YPEL1: variants seen among roughly 807,000 people sequenced by gnomAD.
The protein encoded by YPEL1 is protein yippee-like 1.
In YPEL1, 7 loss-of-function variants were observed where a neutral mutation model predicts 17.3. That is an observed-to-expected ratio of 0.40 (90% CI 0.23 to 0.76). The LOEUF (loss-of-function observed/expected upper bound fraction) is 0.76, where lower values mean the gene tolerates loss of function less well. YPEL1 is among the 30% of genes least tolerant of loss of function. YPEL1 has a pLI of 0.35. For missense variants in YPEL1, 91 were observed against 155.5 expected (o/e 0.59, Z 2.21); for synonymous variants, 59 against 59.6 (o/e 0.99, Z 0.05).
Position 21,697,762 on chromosome 22 carries a change from C to T in YPEL1, c.*3367G>A, listed in dbSNP as rs2067995733. 1 of 152,350 alleles carries T rather than the reference C, an allele frequency of 6.6e-6. No homozygotes were observed. The highest frequency in any genetic ancestry group is 2.1e-4 in the South Asian group (1 of 4,828). 9.4% of individuals were successfully genotyped at this position (152,350 alleles called of 1,614,324 possible). On this transcript the variant is annotated 3_prime_UTR_variant, in exon 5 of 5. Coordinates refer to ENST00000339468, the MANE Select transcript of YPEL1 (RefSeq NM_013313.5). ...TCTGCTCCCAGGGCAGGGGACAGGC[C>T]ACCAAGGACCTTTGGCAAATGAAGG... is the stretch of plus-strand genomic sequence containing the variant.
chr22:21,733,772 AAAAG>A lies in YPEL1; in HGVS notation c.-165+1839_-165+1842del, dbSNP rs575484020. Among the ~76,000 whole-genome samples, 317 of 152,324 alleles carry A rather than the reference AAAAG, an allele frequency of 2.1e-3. 2 individuals carry two copies. The highest frequency in any genetic ancestry group is 7.2e-3 in the African/African-American group (299 of 41,572). On this transcript the variant is annotated intron_variant, in intron 1 of 4. Transcript: ENST00000339468. ...AAACAAACCAAAACAAACCAACAAA[AAAAG>A]AAAGAAAAAAGGAAAAAACCTATAG...
At chr22:21,704,150 T>G (rs760097301) in intron 2 of YPEL1, 8 of 718,198 alleles carry the variant, frequency 1.1e-5, no homozygotes, top group Non-Finnish European at 2.1e-5. Flanking sequence ...CATGGCAAGA[T>G]CAGTTTTTAA....
chr22:21,729,128 A>G (rs1361519280), intron 1 of YPEL1, among the ~76,000 whole-genome samples: 1 of 145,322 alleles, frequency 6.9e-6, no homozygotes, highest in Non-Finnish European at 1.5e-5. Context: ...GGGCAACAAG[A>G]GCAAAACTCC....
In YPEL1 at chr22:21,701,228, G is replaced by A; in HGVS notation, c.271-10C>T. The A allele has an allele frequency of 1.2e-6, 2 of 1,609,130 alleles. No homozygotes were observed. Among genetic ancestry groups the A allele is most frequent in the East Asian group, 2.2e-5 (1 of 44,854 alleles). On this transcript the variant is annotated splice_polypyrimidine_tract_variant and intron_variant, in intron 4 of 4. Transcript: ENST00000339468. ...TCTCAAAGGCATGCTCCTTGAAAAA[G>A]AAGAGACAAAGGTTTCAGGACAGAA...
At chr22:21,711,623 A>T (rs758998897) in intron 1 of YPEL1, among the ~76,000 whole-genome samples, 2 of 152,160 alleles carry the variant, frequency 1.3e-5, no homozygotes, top group African/African-American at 4.8e-5. Flanking sequence ...TTCAATGGGG[A>T]AAGGACAGTC....
At chr22:21,729,038 G>A (rs181734349) in intron 1 of YPEL1, among the ~76,000 whole-genome samples, 179 of 151,304 alleles carry the variant, frequency 1.2e-3, no homozygotes, top group African/African-American at 4.0e-3. Flanking sequence ...AGCTACTTGG[G>A]AGGCTGAGGC....
At chr22:21,716,785 G>A (rs1039628385) in intron 1 of YPEL1, among the ~76,000 whole-genome samples, 7 of 152,242 alleles carry the variant, frequency 4.6e-5, no homozygotes, top group Admixed American at 2.6e-4. Context: ...TGCCCCATGA[G>A]CAAGGACAGA....
intron 1 of YPEL1, among the ~76,000 whole-genome samples, chr22:21,713,806 G>A (rs984648757): frequency 6.6e-6 from 1 of 152,114 alleles, no homozygotes; most frequent in African/African-American, 2.4e-5. Flanking sequence ...ACAAAAGAAG[G>A]TTAAGTCCAT....
chr22:21,716,468 G>A (rs1402712249), intron 1 of YPEL1, among the ~76,000 whole-genome samples: 4 of 152,274 alleles, frequency 2.6e-5, no homozygotes, highest in African/African-American at 9.6e-5. Flanking sequence ...CCCCCATCCA[G>A]CCACCCCGGG....
intron 2 of YPEL1, among the ~76,000 whole-genome samples, chr22:21,710,251 C>T (rs1601628792): frequency 6.6e-6 from 1 of 152,178 alleles, no homozygotes; most frequent in Non-Finnish European, 1.5e-5. Context: ...CTTAACCATG[C>T]TGAGTTTTTA....
At chr22:21,733,102 G>A (rs1416096101) in intron 1 of YPEL1, among the ~76,000 whole-genome samples, 1 of 151,720 alleles carries the variant, frequency 6.6e-6, no homozygotes, top group Non-Finnish European at 1.5e-5. Context: ...GAGTGACAAA[G>A]CAAGACTCTG....
intron 4 of YPEL1, among the ~76,000 whole-genome samples, chr22:21,701,515 G>A (rs2068066514): frequency 1.3e-5 from 2 of 152,184 alleles, no homozygotes; most frequent in Non-Finnish European, 2.9e-5. Flanking sequence ...CTGTCACTCA[G>A]GCTGGAATGC....
chr22:21,702,838 A>G (rs2068078876), intron 4 of YPEL1, among the ~76,000 whole-genome samples: 1 of 152,192 alleles, frequency 6.6e-6, no homozygotes, highest in Admixed American at 6.5e-5. Flanking sequence ...CAGATCAGCC[A>G]TGTGGTGGAG....
At chr22:21,721,134 G>A (rs1237935694) in intron 1 of YPEL1, among the ~76,000 whole-genome samples, 2 of 150,716 alleles carry the variant, frequency 1.3e-5, no homozygotes, top group African/African-American at 4.9e-5. Flanking sequence ...TTTTGGGGGG[G>A]GGAGGGGAGG....
At chr22:21,728,539 A>C (rs879811657) in intron 1 of YPEL1, among the ~76,000 whole-genome samples, 2 of 152,150 alleles carry the variant, frequency 1.3e-5, no homozygotes, top group Non-Finnish European at 2.9e-5. Flanking sequence ...GGGAAACCGA[A>C]GTCCAAAAAG....
intron 1 of YPEL1, among the ~76,000 whole-genome samples, chr22:21,728,295 C>G (rs1273625565): frequency 6.6e-6 from 1 of 152,126 alleles, no homozygotes; most frequent in Admixed American, 6.6e-5. Context: ...GCCTCTCCCA[C>G]CCCTCACTGG....
Position 21,710,637 on chromosome 22 carries a change from G to A in YPEL1, c.108C>T (p.Leu36=), listed in dbSNP as rs1242804370. Reference sequence around the variant, plus strand: ...GGCATAAGCCACTTGCCTTGGAGATGAGCTCGTCATGATTGGCCAGGTGTG... The same window carrying A: ...GGCATAAGCCACTTGCCTTGGAGATAAGCTCGTCATGATTGGCCAGGTGTG... ...CRAHLANHDE[L]ISKSFQGSQG... Residue 36 remains leucine, a synonymous_variant, in exon 2 of 5, where the codon CTC becomes CTT. Transcript: ENST00000339468. The A allele has an allele frequency of 1.9e-6, 3 of 1,614,082 alleles. No individual in the cohort carries two copies. In the African/African-American group the frequency reaches 4.0e-5, roughly 22 times the overall value.
intron 2 of YPEL1, among the ~76,000 whole-genome samples, chr22:21,708,660 ATT>A (rs150796353): frequency 0.055 from 5,855 of 107,220 alleles, 233 homozygotes; most frequent in Admixed American, 0.13. Flanking sequence ...TCTTGATACA[ATT>A]TTTTTTTTTT....
In YPEL1 at chr22:21,698,509, G is replaced by A. The variant is rs1054276931; in HGVS notation, c.*2620C>T. The A allele has an allele frequency of 1.3e-5, 2 of 152,378 alleles. No individual in the cohort carries two copies. Among genetic ancestry groups the A allele is most frequent in the African/African-American group, 4.8e-5 (2 of 41,462 alleles). 9.4% of individuals were successfully genotyped at this position (152,378 alleles called of 1,614,324 possible). On this transcript the variant is annotated 3_prime_UTR_variant, in exon 5 of 5. Coordinates refer to ENST00000339468, the MANE Select transcript of YPEL1 (RefSeq NM_013313.5). ...CTTGGCTGTCCTCGCACCCGTGGCA[G>A]GCTGGGGACGGCACGAACCTCCAAC...
Sources: gnomAD v4.1 joint callset for allele counts (sites outside exome capture counted in the v4.1 genomes callset) on GRCh38, gnomAD v4.1.1 for gene constraint, MANE v1.5 for transcripts, NCBI Gene and HGNC (gene_info 2026-07-23, HGNC 2026-07-21) for gene names.